Variants in DTNB observed in about 807,000 individuals in gnomAD.
DTNB encodes the protein dystrobrevin beta, also known as DTN-B.
A neutral mutation model predicts 90.7 loss-of-function variants in DTNB; 63 were observed. That is an observed-to-expected ratio of 0.69 (90% CI 0.57 to 0.86). The LOEUF is 0.86. Among genes scored for constraint, DTNB ranks in the 40% least tolerant of loss-of-function variants. DTNB has a pLI of 0.00. For synonymous variants in DTNB, 277 were observed against 286.7 expected, an observed-to-expected ratio of 0.97 and a Z score of 0.34; for missense variants, 744 against 807.1, an observed-to-expected ratio of 0.92 and a Z score of 0.95.
intron 4 of DTNB, among the ~76,000 whole-genome samples, chr2:25,617,958 C>T (rs2148624721): frequency 6.6e-6 from 1 of 152,082 alleles, no homozygotes; most frequent in East Asian, 1.9e-4. Context: ...AATAGTTATC[C>T]GATAAAATTA....
intron 2 of DTNB, among the ~76,000 whole-genome samples, chr2:25,642,488 C>T (rs1196303424): frequency 1.3e-5 from 2 of 151,268 alleles, no homozygotes; most frequent in Non-Finnish European, 2.9e-5. Flanking sequence ...AATCTCGGTT[C>T]ACTGCAGCCT....
intron 9 of DTNB, among the ~76,000 whole-genome samples, chr2:25,488,358 TA>T (rs2066635442): frequency 6.6e-6 from 1 of 152,120 alleles, no homozygotes; most frequent in Non-Finnish European, 1.5e-5. Context: ...TACTGGGTGG[TA>T]AAATATCCAA....
chr2:25,404,582 C>T (rs1003028663), intron 16 of DTNB, among the ~76,000 whole-genome samples: 25 of 152,184 alleles, frequency 1.6e-4, no homozygotes, highest in Middle Eastern at 3.4e-3. Context: ...GGGCTGGGCA[C>T]GGTGGGTCAC....
chr2:25,500,811 ACT>A (rs377749211), intron 9 of DTNB, among the ~76,000 whole-genome samples: 24 of 152,168 alleles, frequency 1.6e-4, no homozygotes, highest in African/African-American at 5.3e-4. Flanking sequence ...AAAAAAGGAA[ACT>A]CTGTTTAATG....
At chr2:25,412,557 A>G (rs2046872248) in intron 16 of DTNB, among the ~76,000 whole-genome samples, 2 of 152,228 alleles carry the variant, frequency 1.3e-5, no homozygotes, top group South Asian at 4.1e-4. Context: ...TTTAAGCCTG[A>G]TGATCATTAT....
chr2:25,529,346 T>C (rs551363682), intron 9 of DTNB, among the ~76,000 whole-genome samples: 1 of 152,106 alleles, frequency 6.6e-6, no homozygotes, highest in African/African-American at 2.4e-5. Flanking sequence ...ATATTCTACA[T>C]CACATCACAC....
intron 16 of DTNB, among the ~76,000 whole-genome samples, chr2:25,411,105 C>G (rs1176718862): frequency 1.3e-5 from 2 of 151,942 alleles, no homozygotes; most frequent in East Asian, 3.9e-4. Context: ...ATGGCTGTAA[C>G]CCCAGCACTT....
At chr2:25,457,589 C>T (rs1181611831) in intron 10 of DTNB, among the ~76,000 whole-genome samples, 2 of 152,058 alleles carry the variant, frequency 1.3e-5, no homozygotes, top group East Asian at 1.9e-4. Flanking sequence ...CCATTTGTCC[C>T]GAGAATACTC....
chr2:25,596,139 C>A lies in DTNB; in HGVS notation c.550G>T (p.Gly184Trp). ...TGCTCTGTGTAACCAAAAGATGGCC[C>A]TTCAAAGACAGCTGTTGGGAGCTTC... ...VLKLPTAVFE[G>W]PSFGYTEHSV... The change falls in exon 6 of 21, where the codon GGG becomes TGG. Residue 184 changes from glycine (G) to tryptophan (W), a missense_variant. Coordinates refer to ENST00000406818, the MANE Select transcript of DTNB (RefSeq NM_021907.5). 6.2e-7 allele frequency: 1 copy of A among 1,613,306 alleles called. No homozygotes were observed. The highest frequency in any genetic ancestry group is 1.1e-5 in the South Asian group (1 of 91,018).
chr2:25,592,232 T>A (rs1196479176), intron 6 of DTNB, among the ~76,000 whole-genome samples: 5 of 152,138 alleles, frequency 3.3e-5, no homozygotes. Flanking sequence ...TTTTTAATAA[T>A]GGACATCCAG....
At chr2:25,399,635 A>C (rs1313053252) in intron 16 of DTNB, among the ~76,000 whole-genome samples, 1 of 62,674 alleles carries the variant, frequency 1.6e-5, no homozygotes, top group Non-Finnish European at 2.6e-5. Flanking sequence ...TGCTGGGCCC[A>C]GCCAACCAGT....
intron 5 of DTNB, among the ~76,000 whole-genome samples, chr2:25,606,877 C>G (rs1246260020): frequency 2.0e-5 from 3 of 152,152 alleles, no homozygotes; most frequent in African/African-American, 7.2e-5. Flanking sequence ...CTAAACCAGA[C>G]CGAACTCAGT....
chr2:25,495,564 C>T (rs1295821243), intron 9 of DTNB, among the ~76,000 whole-genome samples: 1 of 152,124 alleles, frequency 6.6e-6, no homozygotes, highest in African/African-American at 2.4e-5. Flanking sequence ...TATTAAGGAG[C>T]CCAGGTTCTA....
intron 10 of DTNB, among the ~76,000 whole-genome samples, chr2:25,466,957 T>A (rs1453146292): frequency 1.3e-5 from 2 of 152,202 alleles, no homozygotes; most frequent in Non-Finnish European, 2.9e-5. Context: ...GTCAAAGTGA[T>A]CTCTAATGTA....
chr2:25,577,091 A>G (rs2060800526), intron 7 of DTNB, 87 bp from the exon 8 acceptor site: 1 of 1,369,860 alleles, frequency 7.3e-7, no homozygotes, highest in Non-Finnish European at 9.8e-7. Flanking sequence ...TCACTTGGAG[A>G]ATGAAGTCAA....
intron 4 of DTNB, among the ~76,000 whole-genome samples, chr2:25,607,638 C>T (rs189968310): frequency 6.6e-6 from 1 of 152,132 alleles, no homozygotes; most frequent in East Asian, 1.9e-4. Flanking sequence ...CCATTAAATC[C>T]ACAGCTGTAG....
intron 3 of DTNB, among the ~76,000 whole-genome samples, chr2:25,634,350 C>T (rs1329636865): frequency 5.0e-4 from 60 of 120,644 alleles, no homozygotes; most frequent in African/African-American, 1.8e-3. Context: ...GTCAGCCCCC[C>T]GCCCGGCCAG....
At chr2:25,536,749 G>A (rs1022807860) in intron 8 of DTNB, among the ~76,000 whole-genome samples, 1 of 152,114 alleles carries the variant, frequency 6.6e-6, no homozygotes, top group Non-Finnish European at 1.5e-5. Context: ...AGACGGGAGA[G>A]GGGAGAGGGA....
intron 5 of DTNB, among the ~76,000 whole-genome samples, chr2:25,602,654 G>GT (rs2066146936): frequency 6.6e-6 from 1 of 152,074 alleles, no homozygotes; most frequent in South Asian, 2.1e-4. Flanking sequence ...AGAATCTCAG[G>GT]TCATCTTTTC....
Sources: gnomAD v4.1 joint callset for allele counts (sites outside exome capture counted in the v4.1 genomes callset) on GRCh38, gnomAD v4.1.1 for gene constraint, MANE v1.5 for transcripts, NCBI Gene and HGNC (gene_info 2026-07-23, HGNC 2026-07-21) for gene names.